COL24A1: variants seen among roughly 807,000 people sequenced by gnomAD.
The protein encoded by COL24A1 is collagen alpha-1(XXIV) chain.
COL24A1 carries 224 observed loss-of-function variants against 253.9 expected under a neutral mutation model. The ratio of observed to expected loss-of-function variants is 0.88; its 90% CI spans 0.79 to 0.99. COL24A1 has a LOEUF of 0.99. Among genes scored for constraint, COL24A1 ranks in the 50% least tolerant of loss-of-function variants. COL24A1 has a pLI of 0.00. For synonymous variants in COL24A1, 685 were observed against 673.7 expected (o/e 1.02, Z -0.26); for missense variants, 2,131 against 2,068.5 (o/e 1.03, Z -0.59).
chr1:86,153,530 T>C (rs969333544), intron 1 of COL24A1, among the ~76,000 whole-genome samples: 6 of 152,234 alleles, frequency 3.9e-5, no homozygotes, highest in African/African-American at 1.4e-4. Context: ...TAAGTCATAG[T>C]TGGAAGGCAT....
intron 7 of COL24A1, among the ~76,000 whole-genome samples, chr1:86,085,859 G>A (rs1365174236): frequency 6.6e-6 from 1 of 152,154 alleles, no homozygotes; most frequent in Non-Finnish European, 1.5e-5. Flanking sequence ...AATGGGAATG[G>A]ATGGATAAAA....
At chr1:86,046,684 T>C (rs1699927354) in intron 12 of COL24A1, 141 bp downstream of exon 12, 1 of 904,116 alleles carries the variant, frequency 1.1e-6, no homozygotes, top group East Asian at 2.5e-5. Context: ...TTTGATACAC[T>C]ATTCAAGAGG....
At chr1:85,860,336 C>G (rs1008501625) in intron 37 of COL24A1, among the ~76,000 whole-genome samples, 1 of 152,148 alleles carries the variant, frequency 6.6e-6, no homozygotes. Context: ...CCCAAAATCT[C>G]ATTATCATAA....
chr1:85,971,016 G>A (rs1177296313), intron 21 of COL24A1, among the ~76,000 whole-genome samples: 1 of 152,272 alleles, frequency 6.6e-6, no homozygotes, highest in East Asian at 1.9e-4. Context: ...AGTTCGGCCA[G>A]CCTGGGTAAC....
At chr1:85,832,851 A>T (rs1247951205) in intron 43 of COL24A1, among the ~76,000 whole-genome samples, 1 of 150,788 alleles carries the variant, frequency 6.6e-6, no homozygotes, top group Admixed American at 6.6e-5. Flanking sequence ...TTTTCTAGAT[A>T]TACAATCATG....
chr1:86,107,767 C>T (rs1705143485), intron 5 of COL24A1, among the ~76,000 whole-genome samples: 1 of 152,032 alleles, frequency 6.6e-6, no homozygotes, highest in South Asian at 2.1e-4. Context: ...GATCTCCTGA[C>T]CTCGTGATCT....
chr1:86,078,247 A>G (rs890250947), intron 7 of COL24A1, among the ~76,000 whole-genome samples: 8 of 152,176 alleles, frequency 5.3e-5, no homozygotes, highest in Admixed American at 3.9e-4. Flanking sequence ...ATAAAGTTCA[A>G]CACCCCTTCT....
intron 24 of COL24A1, among the ~76,000 whole-genome samples, chr1:85,947,656 C>T (rs992025936): frequency 6.6e-6 from 1 of 151,960 alleles, no homozygotes; most frequent in African/African-American, 2.4e-5. Context: ...TTAAAAAAAT[C>T]AGTGTAACTG....
chr1:85,852,071 CA>C (rs1677828666), intron 37 of COL24A1, among the ~76,000 whole-genome samples: 1 of 152,018 alleles, frequency 6.6e-6, no homozygotes. Context: ...AGCCTTTAAT[CA>C]ATTGGAATGT....
intron 26 of COL24A1, 139 bp from the exon 27 acceptor site, chr1:85,908,790 A>T: frequency 4.7e-6 from 2 of 430,022 alleles, no homozygotes; most frequent in Admixed American, 8.6e-5. Context: ...CAAGATATGA[A>T]AGGCCACAGG....
In COL24A1 at chr1:85,868,807, CCTT is replaced by C. The variant is rs1680078470; in HGVS notation, c.3164_3166del (p.Glu1055del). ...CTTTAACCCATCTTTTCCCTGGAGA[CCTT>C]CTTCTCCAGGAGCTCCTGGTTCACC... On this transcript the variant is annotated inframe_deletion, in exon 36 of 60. Transcript: ENST00000370571. The C allele has an allele frequency of 3.8e-6, 6 of 1,589,612 alleles. No homozygotes were observed. Among genetic ancestry groups the C allele is most frequent in the Non-Finnish European group, 4.3e-6 (5 of 1,169,120 alleles).
At chr1:85,827,268 G>T (rs889272517) in intron 43 of COL24A1, among the ~76,000 whole-genome samples, 2 of 151,568 alleles carry the variant, frequency 1.3e-5, no homozygotes, top group Non-Finnish European at 2.9e-5. Context: ...GCATCCCAGG[G>T]ATGAAGCCCA....
At chr1:86,062,795 T>C (rs1701187852) in intron 8 of COL24A1, among the ~76,000 whole-genome samples, 1 of 152,162 alleles carries the variant, frequency 6.6e-6, no homozygotes, top group African/African-American at 2.4e-5. Context: ...TCGCTTGCCA[T>C]GTCTAGTAAT....
chr1:85,745,701 T>C (rs1367788880), intron 55 of COL24A1, among the ~76,000 whole-genome samples, 195 bp from the exon 56 acceptor site: 3 of 152,160 alleles, frequency 2.0e-5, no homozygotes, highest in African/African-American at 7.2e-5. Context: ...GCCACCTTCA[T>C]CCAAATCTCA....
intron 27 of COL24A1, among the ~76,000 whole-genome samples, chr1:85,907,625 C>A (rs1289733929): frequency 4.0e-5 from 6 of 151,742 alleles, no homozygotes; most frequent in African/African-American, 1.4e-4. Context: ...GGTAATATTT[C>A]TTTACTATTA....
intron 43 of COL24A1, 21 bp from the exon 44 acceptor site, chr1:85,823,759 A>T (rs1199391232): frequency 6.2e-7 from 1 of 1,608,084 alleles, no homozygotes; most frequent in African/African-American, 1.3e-5. Flanking sequence ...AAAAGATTAC[A>T]TTATTAGAGT....
rs975756505 is a variant in COL24A1, at chr1:86,156,266, C to A, written c.56+75G>T. The A allele has an allele frequency of 5.6e-6, 8 of 1,433,004 alleles. No individual in the cohort carries two copies. The Admixed American group carries it at 1.5e-4, about 26-fold the overall frequency. The allele number at this position is 1,433,004 out of a possible 1,614,324, so 88.8% of individuals were successfully genotyped here. ...AAGGAGCCGGACTTCAGATCTCCAT[C>A]AGGCTCAGCAGAACCAGGGGGTGGA... is the stretch of plus-strand genomic sequence containing the variant. On this transcript the variant is annotated intron_variant, in intron 1 of 59. Coordinates refer to ENST00000370571, the MANE Select transcript of COL24A1 (RefSeq NM_152890.7).
chr1:86,155,775 C>T (rs1188898251), intron 1 of COL24A1: 1 of 152,670 alleles, frequency 6.6e-6, no homozygotes, highest in African/African-American at 2.4e-5. Flanking sequence ...GCCTCTGAGC[C>T]CGTGGGTAAA....
rs1307000245 is a variant in COL24A1, at chr1:86,125,581, G to T, written c.755C>A (p.Thr252Lys). 6.2e-7 allele frequency: 1 copy of T among 1,613,508 alleles called. No individual in the cohort carries two copies. Among genetic ancestry groups the T allele is most frequent in the Admixed American group, 1.7e-5 (1 of 59,860 alleles). The change falls in exon 3 of 60, where the codon ACA (threonine) becomes AAA (lysine). Residue 252 changes from threonine (T) to lysine (K), a missense_variant. By Grantham distance (78) the Thr-to-Lys change is moderately conservative. Transcript: ENST00000370571. ...CRQADKYQPE[T>K]SIPCTTLIPT... ...TATGAGAGTTGTACAAGGAATGCTT[G>T]TTTCAGGTTGGTATTTGTCTGCTTG...
Sources: gnomAD v4.1 joint callset for allele counts (sites outside exome capture counted in the v4.1 genomes callset) on GRCh38, gnomAD v4.1.1 for gene constraint, MANE v1.5 for transcripts, NCBI Gene and HGNC (gene_info 2026-07-23, HGNC 2026-07-21) for gene names.